Variants in SPTAN1 observed in about 807,000 individuals in gnomAD.
SPTAN1 encodes spectrin alpha, non-erythrocytic 1.
SPTAN1 carries 61 observed loss-of-function variants against 331.3 expected under a neutral mutation model. That is an observed-to-expected ratio of 0.18 (90% CI 0.15 to 0.23). The LOEUF (loss-of-function observed/expected upper bound fraction) is 0.23, where lower values mean the gene tolerates loss of function less well. SPTAN1 is among the 10% of genes least tolerant of loss of function. The probability of loss-of-function intolerance (pLI) is 1.00; values close to 1 mark genes in which losing one functional copy is unlikely to be tolerated. For missense variants in SPTAN1, 2,043 were observed against 3,147.9 expected, an observed-to-expected ratio of 0.65 and a Z score of 8.40; for synonymous variants, 1,153 against 1,173.9, an observed-to-expected ratio of 0.98 and a Z score of 0.36.
At chr9:128,584,068 T>A (rs1205182607) in intron 16 of SPTAN1, 99 bp downstream of exon 16, 1 of 1,512,964 alleles carries the variant, frequency 6.6e-7, no homozygotes, top group Non-Finnish European at 9.1e-7. Flanking sequence ...TTGGGAGGGA[T>A]GAAATGTGTT....
chr9:128,633,008 A>C (rs940346830), intron 56 of SPTAN1, 53 bp downstream of exon 56: 2 of 1,604,840 alleles, frequency 1.2e-6, no homozygotes, highest in African/African-American at 2.7e-5. Context: ...ACTAAAGCCA[A>C]ATTTGTGGCA....
intron 20 of SPTAN1, 131 bp downstream of exon 20, chr9:128,587,829 TTAAAA>T: frequency 1.4e-6 from 1 of 732,660 alleles, no homozygotes; most frequent in African/African-American, 1.8e-5. Context: ...TTTACAGAGT[TTAAAA>T]TAAGATTTAT....
chr9:128,611,980 G>C (rs1856621882), intron 38 of SPTAN1, 129 bp from the exon 39 acceptor site: 7 of 1,599,680 alleles, frequency 4.4e-6, no homozygotes, highest in Non-Finnish European at 6.0e-6. Flanking sequence ...TACAGATGGG[G>C]AATGCTAGTG....
chr9:128,608,974 A>G lies in SPTAN1; in HGVS notation c.4592A>G (p.Asp1531Gly). 6.2e-7 allele frequency: 1 copy of G among 1,614,212 alleles called. No individual in the cohort carries two copies. The highest frequency in any genetic ancestry group is 8.5e-7 in the Non-Finnish European group (1 of 1,180,024). ...TCTAGCCGGCGCAATGAGGTCTTGG[A>G]CAGGTGGGTGTCCTGTGGCACTGAC... ...DISSRRNEVLDRWRRLKAQMI... is the reference protein window; with the variant it reads ...DISSRRNEVLGRWRRLKAQMI... Residue 1531 changes from aspartate (D) to glycine (G), a missense_variant, in exon 35 of 57, where the codon GAC (aspartate) becomes GGC (glycine). By Grantham distance (94) the Asp-to-Gly change is moderately conservative. Transcript: ENST00000372739.
chr9:128,587,977 G>A (rs1464089054), intron 20 of SPTAN1, among the ~76,000 whole-genome samples: 1 of 151,302 alleles, frequency 6.6e-6, no homozygotes, highest in African/African-American at 2.4e-5. Flanking sequence ...TCCTGAGTAG[G>A]TGGGATTACA....
chr9:128,632,267 G>A lies in SPTAN1; in HGVS notation c.6903G>A (p.Gln2301=), dbSNP rs768665374. The stretch of plus-strand genomic sequence containing the variant: ...TGGGCCTCGCCCAGCAGTGGGACCA[G>A]CTGGACCAGCTGGGCATGCGCATGC... ...STVGLAQQWD[Q]LDQLGMRMQH... is the part of the protein sequence containing the mutation. Residue 2301 remains glutamine, a synonymous_variant, in exon 53 of 57, where the codon CAG becomes CAA. Coordinates refer to ENST00000372739, the MANE Select transcript of SPTAN1 (RefSeq NM_001130438.3). The A allele has an allele frequency of 6.2e-7, 1 of 1,613,526 alleles. No homozygotes were observed. The highest frequency in any genetic ancestry group is 1.7e-5 in the Admixed American group (1 of 60,026).
chr9:128,578,353 C>T, intron 9 of SPTAN1, 108 bp downstream of exon 9: 1 of 1,445,758 alleles, frequency 6.9e-7, no homozygotes, highest in Admixed American at 1.8e-5. Flanking sequence ...ATGTTATTCA[C>T]AGGTGTTTCT....
chr9:128,574,579 C>T, intron 3 of SPTAN1, 96 bp from the exon 4 acceptor site: 3 of 1,403,682 alleles, frequency 2.1e-6, no homozygotes, highest in Non-Finnish European at 2.0e-6. Flanking sequence ...TTATTCAGCG[C>T]TCCATAAGGT....
intron 1 of SPTAN1, among the ~76,000 whole-genome samples, chr9:128,560,973 A>G (rs1849250722): frequency 1.4e-5 from 2 of 139,474 alleles, no homozygotes; most frequent in South Asian, 2.3e-4. Context: ...CCCAGATAGC[A>G]TCACTGCACT....
intron 23 of SPTAN1, 104 bp from the exon 24 acceptor site, chr9:128,594,071 C>G (rs972750388): frequency 1.3e-5 from 14 of 1,084,244 alleles, no homozygotes; most frequent in African/African-American, 4.6e-5. Flanking sequence ...AAACTCGTAG[C>G]CTGGAATCCA....
rs866813546 is a variant in SPTAN1, at chr9:128,633,202, C to G, written c.7309-7C>G. 1.9e-6 allele frequency: 3 copies of G among 1,613,990 alleles called. No homozygotes were observed. Among genetic ancestry groups the G allele is most frequent in the Non-Finnish European group, 2.5e-6 (3 of 1,180,014 alleles). ...TCAGGCACCAGGTGCCATCTCTTAC[C>G]CCACAGAACCTGACCCGGGAACAAG... On this transcript the variant is annotated splice_polypyrimidine_tract_variant and splice_region_variant and intron_variant, in intron 56 of 56. Coordinates refer to ENST00000372739, the MANE Select transcript of SPTAN1 (RefSeq NM_001130438.3).
In SPTAN1 at chr9:128,589,260, C is replaced by A. The variant is rs117975373; in HGVS notation, c.3006+317C>A. 4.7e-5 allele frequency among the ~76,000 whole-genome samples: 7 copies of A among 150,294 alleles called. No homozygotes were observed. In the South Asian group the frequency reaches 1.5e-3, roughly 32 times the overall value. ...AGTTTGCTTTCTGTATAACTTGGAC[C>A]TGTTGGTTCTTTTTTTTTCTTTTTC... On this transcript the variant is annotated intron_variant, in intron 21 of 56. Transcript: ENST00000372739.
chr9:128,624,445 C>G lies in SPTAN1; in HGVS notation c.5950C>G (p.Leu1984Val). 6.2e-7 allele frequency: 1 copy of G among 1,613,924 alleles called. No individual in the cohort carries two copies. The highest frequency in any genetic ancestry group is 1.3e-5 in the African/African-American group (1 of 75,044). The change falls in exon 46 of 57, where the codon CTT becomes GTT. Residue 1984 changes from leucine to valine, a missense_variant. Around this residue, in one of 12 missense-constraint regions of SPTAN1, gnomAD observed 323 missense variants for 581.1 expected, o/e 0.56. Transcript: ENST00000372739. Reference protein sequence around the residue: ...KAKLDENSAFLQFNWKADVVE... With the variant: ...KAKLDENSAFVQFNWKADVVE... ...GAAGCTGGATGAGAACTCGGCCTTC[C>G]TTCAGTTCAACTGGAAGGCGGACGT...
rs1218841089 is a variant in SPTAN1, at chr9:128,574,792, G to A, written c.481G>A (p.Val161Met). 3 of 1,613,954 alleles carry A rather than the reference G, an allele frequency of 1.9e-6. No homozygotes were observed. The highest frequency in any genetic ancestry group is 1.7e-6 in the Non-Finnish European group (2 of 1,179,948). Residue 161 changes from valine (V) to methionine (M), a missense_variant, in exon 4 of 57, where the codon GTG (valine) becomes ATG (methionine). Val to Met is a conservative substitution (Grantham distance 21, BLOSUM62 1). Around this residue, in one of 12 missense-constraint regions of SPTAN1, gnomAD observed 1,038 missense variants for 1,531.5 expected, o/e 0.68. Transcript: ENST00000372739. ...LVQYLRECEDVMDWINDKEAI... is the reference protein window; with the variant it reads ...LVQYLRECEDMMDWINDKEAI... ...GCAGTACTTACGAGAATGTGAGGAC[G>A]TGATGGACTGGATCAATGACAAGGC...
chr9:128,605,853 G>A (rs775527593), intron 31 of SPTAN1, among the ~76,000 whole-genome samples: 2 of 152,098 alleles, frequency 1.3e-5, no homozygotes, highest in African/African-American at 4.8e-5. Context: ...TTAGCCAGGT[G>A]TGGTGGCAGG....
intron 19 of SPTAN1, 63 bp from the exon 20 acceptor site, chr9:128,587,543 A>G (rs1024742432): frequency 2.2e-6 from 3 of 1,366,848 alleles, no homozygotes; most frequent in South Asian, 1.2e-5. Context: ...CAGGTTGGCG[A>G]GGCAGTGGAG....
At chr9:128,592,323 G>A (rs1269589832) in intron 22 of SPTAN1, among the ~76,000 whole-genome samples, 2 of 151,202 alleles carry the variant, frequency 1.3e-5, no homozygotes, top group Non-Finnish European at 2.9e-5. Flanking sequence ...CATCCAGACT[G>A]GAGTGCAGTG....
At chr9:128,590,289 A>G (rs1248807802) in intron 21 of SPTAN1, among the ~76,000 whole-genome samples, 6 of 152,210 alleles carry the variant, frequency 3.9e-5, no homozygotes, top group African/African-American at 1.4e-4. Flanking sequence ...TGCCCAGTAG[A>G]ACTTTCTGTG....
At chr9:128,555,407 A>ATTT in intron 1 of SPTAN1, 1 of 1,289,256 alleles carries the variant, frequency 7.8e-7, no homozygotes, top group Non-Finnish European at 1.0e-6. Context: ...CAGGTATTTG[A>ATTT]CGAGCATGCA....
Sources: gnomAD v4.1 joint callset for allele counts (sites outside exome capture counted in the v4.1 genomes callset) on GRCh38, gnomAD v4.1.1 for gene constraint, gnomAD v4.1.1 regional missense constraint, MANE v1.5 for transcripts, NCBI Gene and HGNC (gene_info 2026-07-23, HGNC 2026-07-21) for gene names.